HSPBAP1: variants seen among roughly 807,000 people sequenced by gnomAD.
HSPBAP1 encodes the protein HSPB1-associated protein 1.
Under a neutral mutation model 45.2 loss-of-function variants are expected in HSPBAP1, and 27 were observed. That is an observed-to-expected ratio of 0.60 (90% CI 0.44 to 0.82). The LOEUF is 0.82. Among genes scored for constraint, HSPBAP1 ranks in the 40% least tolerant of loss-of-function variants. The probability of loss-of-function intolerance (pLI) is 0.00; values close to 1 mark genes in which losing one functional copy is unlikely to be tolerated. For synonymous variants in HSPBAP1, 204 were observed against 202.7 expected (o/e 1.01, Z -0.06); for missense variants, 510 against 590.9 (o/e 0.86, Z 1.42).
chr3:122,759,360 C>G lies in HSPBAP1; in HGVS notation c.433G>C (p.Asp145His). The G allele has an allele frequency of 1.2e-6, 2 of 1,612,206 alleles. No individual in the cohort carries two copies. Among genetic ancestry groups the G allele is most frequent in the Non-Finnish European group, 1.7e-6 (2 of 1,178,564 alleles). The change falls in exon 4 of 8, where the codon GAT becomes CAT. Residue 145 changes from aspartate (D) to histidine (H), a missense_variant and splice_region_variant. Physicochemically the swap from Asp to His is moderately conservative, Grantham distance 81 (BLOSUM62 -1). Transcript: ENST00000306103. ...LFEDKTDLFQ[D>H]VKWSDFGFPG... ...AACCCGAAGTCAGACCATTTCACAT[C>G]CTGTTTTGAAATAAAGTTGCAATCC...
chr3:122,744,029 A>G (rs28490891), intron 6 of HSPBAP1, among the ~76,000 whole-genome samples: 1 of 151,982 alleles, frequency 6.6e-6, no homozygotes, highest in African/African-American at 2.4e-5. Flanking sequence ...ATAAAAAAAT[A>G]AAAAATTCTA....
intron 2 of HSPBAP1, among the ~76,000 whole-genome samples, chr3:122,770,486 C>A (rs1341273525): frequency 6.6e-6 from 1 of 152,050 alleles, no homozygotes; most frequent in Non-Finnish European, 1.5e-5. Flanking sequence ...ACTACTTGAG[C>A]CCAGGAGTTT....
intron 2 of HSPBAP1, 62 bp downstream of exon 2, chr3:122,777,659 C>A: frequency 1.7e-6 from 2 of 1,178,148 alleles, no homozygotes; most frequent in Admixed American, 2.2e-5. Context: ...CAGGAGGCCA[C>A]TGCTGAGAAT....
intron 1 of HSPBAP1, among the ~76,000 whole-genome samples, chr3:122,788,855 G>A (rs1180717134): frequency 1.3e-5 from 2 of 152,132 alleles, no homozygotes; most frequent in Admixed American, 6.6e-5. Flanking sequence ...ATATGAAAAA[G>A]CTCTAGAGAT....
At chr3:122,745,656 A>G (rs1933820986) in intron 6 of HSPBAP1, among the ~76,000 whole-genome samples, 1 of 152,196 alleles carries the variant, frequency 6.6e-6, no homozygotes, top group Admixed American at 6.5e-5. Flanking sequence ...TGCAGTGCCT[A>G]TATTCAAGGA....
At chr3:122,778,592 C>T (rs1276942623) in intron 1 of HSPBAP1, among the ~76,000 whole-genome samples, 1 of 149,842 alleles carries the variant, frequency 6.7e-6, no homozygotes, top group Non-Finnish European at 1.5e-5. Context: ...TGCAGTGATG[C>T]GATCTCGGCT....
chr3:122,758,695 C>T (rs1031522783), intron 4 of HSPBAP1: 2 of 452,672 alleles, frequency 4.4e-6, no homozygotes, highest in Non-Finnish European at 8.8e-6. Flanking sequence ...TGGTTTGAGG[C>T]CATACTTGGG....
At chr3:122,746,027 C>T (rs970094581) in intron 6 of HSPBAP1, among the ~76,000 whole-genome samples, 8 of 152,160 alleles carry the variant, frequency 5.3e-5, no homozygotes, top group East Asian at 1.9e-4. Context: ...TGATTACAAT[C>T]GGGTTTGGTA....
chr3:122,789,949 G>C (rs934798093), intron 1 of HSPBAP1, among the ~76,000 whole-genome samples: 4 of 147,804 alleles, frequency 2.7e-5, no homozygotes, highest in Non-Finnish European at 5.9e-5. Context: ...TACAACCTCC[G>C]CTTCACAGGT....
At chr3:122,781,168 G>A (rs1221750541) in intron 1 of HSPBAP1, among the ~76,000 whole-genome samples, 2 of 151,528 alleles carry the variant, frequency 1.3e-5, no homozygotes, top group Non-Finnish European at 3.0e-5. Flanking sequence ...CCGGGCAGAG[G>A]CTGCAATCTC....
Position 122,746,029 on chromosome 3 carries a change from G to A in HSPBAP1, c.826-4916C>T, listed in dbSNP as rs554049600. On this transcript the variant is annotated intron_variant, in intron 6 of 7. Coordinates refer to ENST00000306103, the MANE Select transcript of HSPBAP1 (RefSeq NM_024610.6). ...GAAAAGTGTTGACTGATTACAATCG[G>A]GTTTGGTAATACTCGGGGTTTCAGT... is the stretch of plus-strand genomic sequence containing the variant. Among the ~76,000 whole-genome samples, 5 of 152,286 alleles carry A rather than the reference G, an allele frequency of 3.3e-5. 1 individual carries two copies. In the South Asian group the frequency reaches 1.0e-3, roughly 32 times the overall value.
intron 1 of HSPBAP1, among the ~76,000 whole-genome samples, chr3:122,780,812 G>C (rs1935428692): frequency 6.7e-6 from 1 of 148,682 alleles, no homozygotes; most frequent in Non-Finnish European, 1.5e-5. Flanking sequence ...GCGGTTGCCA[G>C]GCAGAGGGTC....
intron 2 of HSPBAP1, among the ~76,000 whole-genome samples, chr3:122,775,686 G>C (rs1364371797): frequency 1.3e-5 from 2 of 152,110 alleles, no homozygotes; most frequent in Non-Finnish European, 2.9e-5. Flanking sequence ...ATACATTGAA[G>C]GTGAGAATAT....
intron 2 of HSPBAP1, among the ~76,000 whole-genome samples, chr3:122,774,698 T>C (rs1402276410): frequency 2.0e-5 from 3 of 151,930 alleles, no homozygotes; most frequent in Non-Finnish European, 4.4e-5. Flanking sequence ...ACTATGGAGG[T>C]GAGAGACAGC....
intron 2 of HSPBAP1, among the ~76,000 whole-genome samples, chr3:122,773,530 G>A (rs1045480619): frequency 1.3e-5 from 2 of 151,978 alleles, no homozygotes; most frequent in African/African-American, 4.8e-5. Flanking sequence ...TGCCCAGGCT[G>A]GTCTCGAACT....
chr3:122,753,878 A>T (rs553673328), intron 5 of HSPBAP1: 2 of 985,368 alleles, frequency 2.0e-6, no homozygotes, highest in African/African-American at 3.5e-5. Context: ...CAATAGGCAA[A>T]ACCAATCACT....
At chr3:122,762,307 C>T (rs1458627915) in intron 3 of HSPBAP1, among the ~76,000 whole-genome samples, 1 of 151,120 alleles carries the variant, frequency 6.6e-6, no homozygotes, top group African/African-American at 2.4e-5. Context: ...GCAGCATTAA[C>T]TTTTCCTTCC....
intron 5 of HSPBAP1, chr3:122,755,039 C>T: frequency 1.0e-5 from 12 of 1,203,060 alleles, no homozygotes; most frequent in South Asian, 4.2e-5. Flanking sequence ...ATAGGAGGAG[C>T]TGTGTTCCCT....
intron 1 of HSPBAP1, among the ~76,000 whole-genome samples, chr3:122,790,432 T>C (rs1248288938): frequency 6.6e-6 from 1 of 152,138 alleles, no homozygotes; most frequent in Non-Finnish European, 1.5e-5. Context: ...ACCAACCCAA[T>C]TTCTATTAGT....
Sources: gnomAD v4.1 joint callset for allele counts (sites outside exome capture counted in the v4.1 genomes callset) on GRCh38, gnomAD v4.1.1 for gene constraint, MANE v1.5 for transcripts, NCBI Gene and HGNC (gene_info 2026-07-23, HGNC 2026-07-21) for gene names.